FAR2: variants seen among roughly 807,000 people sequenced by gnomAD.
The protein encoded by FAR2 is fatty acyl-CoA reductase 2, also known as epididymis secretory protein Li 81.
FAR2 carries 19 observed loss-of-function variants against 56.0 expected under a neutral mutation model. The ratio of observed to expected loss-of-function variants is 0.34; its 90% CI spans 0.24 to 0.50. The LOEUF (loss-of-function observed/expected upper bound fraction) is 0.50, where lower values mean the gene tolerates loss of function less well. Among genes scored for constraint, FAR2 ranks in the 20% least tolerant of loss-of-function variants. The pLI is 0.98. For missense variants in FAR2, 508 were observed against 642.2 expected (o/e 0.79, Z 2.26); for synonymous variants, 219 against 218.8 (o/e 1.00, Z -0.01).
chr12:29,325,871 G>C (rs1264986716), intron 10 of FAR2, among the ~76,000 whole-genome samples: 1 of 152,088 alleles, frequency 6.6e-6, no homozygotes, highest in Non-Finnish European at 1.5e-5. Flanking sequence ...ACATTCAAAA[G>C]CTAGCAGAAG....
At chr12:29,266,439 G>A (rs962931744) in intron 1 of FAR2, among the ~76,000 whole-genome samples, 4 of 152,044 alleles carry the variant, frequency 2.6e-5, no homozygotes, top group African/African-American at 9.7e-5. Context: ...TTATTTGTAG[G>A]AACTAAAAAT....
chr12:29,157,485 G>C (rs911597508), intron 1 of FAR2, among the ~76,000 whole-genome samples: 1 of 152,058 alleles, frequency 6.6e-6, no homozygotes, highest in African/African-American at 2.4e-5. Context: ...ACTCCTCCCT[G>C]TGAATTTGTG....
intron 1 of FAR2, chr12:29,151,361 T>A (rs371782090): frequency 2.6e-4 from 39 of 152,322 alleles, no homozygotes; most frequent in African/African-American, 9.1e-4. Context: ...GACAAATGCA[T>A]ACATATTAAC....
chr12:29,194,935 C>T lies in FAR2; in HGVS notation c.-39+45528C>T, dbSNP rs10771494. 5.9e-5 allele frequency among the ~76,000 whole-genome samples: 9 copies of T among 152,082 alleles called. No homozygotes were observed. The East Asian group carries it at 1.7e-3, about 30-fold the overall frequency. ...TTGTTTAGTTAACATGGAATTGAAG[C>T]AAAGTATGGTGACCCCTCTTGAAAT... On this transcript the variant is annotated intron_variant, in intron 1 of 11. Transcript: ENST00000536681.
intron 1 of FAR2, chr12:29,171,988 G>C (rs1193152129): frequency 1.3e-5 from 2 of 151,380 alleles, no homozygotes; most frequent in African/African-American, 4.9e-5. Flanking sequence ...GAAGTGAGGA[G>C]CGCCTCTGTC....
chr12:29,235,445 C>T (rs1396893745), intron 1 of FAR2, among the ~76,000 whole-genome samples: 1 of 152,082 alleles, frequency 6.6e-6, no homozygotes, highest in East Asian at 1.9e-4. Context: ...GGTATTTCTC[C>T]ACAATTTCAT....
At chr12:29,162,910 G>A (rs573938011) in intron 1 of FAR2, among the ~76,000 whole-genome samples, 8 of 152,320 alleles carry the variant, frequency 5.3e-5, no homozygotes, top group African/African-American at 1.7e-4. Context: ...AATGATTATT[G>A]TACCAAGTAT....
chr12:29,331,863 C>CA (rs775820581), intron 10 of FAR2: 3 of 151,962 alleles, frequency 2.0e-5, no homozygotes, highest in African/African-American at 2.4e-5. Context: ...CATAACAAAC[C>CA]AAAAAAAGAA....
chr12:29,231,065 T>C (rs1389031073), intron 1 of FAR2, among the ~76,000 whole-genome samples: 2 of 152,136 alleles, frequency 1.3e-5, no homozygotes, highest in African/African-American at 4.8e-5. Flanking sequence ...TCAGCCCTCA[T>C]CCTAAAAGCA....
At position 29,241,457 on chromosome 12, in the gene FAR2, T is replaced by A. The variant is rs74974767; in HGVS notation, c.-38-28955T>A. 5.3e-3 allele frequency among the ~76,000 whole-genome samples: 801 copies of A among 152,266 alleles called. 12 individuals carry two copies. The highest frequency in any genetic ancestry group is 0.018 in the African/African-American group (766 of 41,550). ...ACATCATGGTTTCTGTTTTAGTGTGTATATACTACTCAGTATTTTTCCCTT... is the reference window on the plus strand; with the variant it reads ...ACATCATGGTTTCTGTTTTAGTGTGAATATACTACTCAGTATTTTTCCCTT... On this transcript the variant is annotated intron_variant, in intron 1 of 11. Transcript: ENST00000536681.
chr12:29,240,790 T>A (rs1177835247), intron 1 of FAR2, among the ~76,000 whole-genome samples: 1 of 129,336 alleles, frequency 7.7e-6, no homozygotes, highest in Non-Finnish European at 1.6e-5. Context: ...TGTGTGTGTG[T>A]GTGTATGTAT....
intron 2 of FAR2, among the ~76,000 whole-genome samples, chr12:29,291,834 T>C (rs1366788069): frequency 2.0e-5 from 3 of 152,220 alleles, no homozygotes; most frequent in East Asian, 1.9e-4. Context: ...CAAGTCCTAT[T>C]ATTAAGCAAG....
At chr12:29,179,089 A>G (rs1191029493) in intron 1 of FAR2, among the ~76,000 whole-genome samples, 1 of 152,212 alleles carries the variant, frequency 6.6e-6, no homozygotes, top group African/African-American at 2.4e-5. Context: ...TAAGGACACC[A>G]GTCAGGTCAG....
chr12:29,225,005 G>C (rs1417318623), intron 1 of FAR2, among the ~76,000 whole-genome samples: 1 of 152,124 alleles, frequency 6.6e-6, no homozygotes, highest in Admixed American at 6.6e-5. Context: ...CCTCCCACTT[G>C]AGGCCTCCAA....
chr12:29,333,464 T>A, intron 11 of FAR2, 168 bp from the exon 12 acceptor site: 1 of 609,918 alleles, frequency 1.6e-6, no homozygotes, highest in Non-Finnish European at 2.9e-6. Context: ...TCAGCAAGAA[T>A]GCTGTGGAAA....
At chr12:29,155,363 A>G (rs1949717927) in intron 1 of FAR2, among the ~76,000 whole-genome samples, 2 of 152,212 alleles carry the variant, frequency 1.3e-5, no homozygotes, top group Admixed American at 6.5e-5. Context: ...CTGGATCCCC[A>G]TGCATTTGCA....
At chr12:29,265,957 A>G (rs1294729195) in intron 1 of FAR2, among the ~76,000 whole-genome samples, 1 of 152,152 alleles carries the variant, frequency 6.6e-6, no homozygotes, top group Non-Finnish European at 1.5e-5. Context: ...AATCAAAACT[A>G]CAGTGAGATA....
intron 1 of FAR2, among the ~76,000 whole-genome samples, chr12:29,154,605 T>C (rs985512856): frequency 5.9e-5 from 9 of 152,050 alleles, no homozygotes; most frequent in Admixed American, 5.2e-4. Context: ...TGGCTAATTT[T>C]TGTATTTTTA....
chr12:29,268,493 G>A (rs1228678132), intron 1 of FAR2, among the ~76,000 whole-genome samples: 1 of 152,110 alleles, frequency 6.6e-6, no homozygotes, highest in East Asian at 1.9e-4. Flanking sequence ...GGAAACACAG[G>A]ACTTATGTGG....
Sources: gnomAD v4.1 joint callset for allele counts (sites outside exome capture counted in the v4.1 genomes callset) on GRCh38, gnomAD v4.1.1 for gene constraint, MANE v1.5 for transcripts, NCBI Gene and HGNC (gene_info 2026-07-23, HGNC 2026-07-21) for gene names.